The following ATG2A variants were observed in gnomAD, a reference collection of about 807,000 sequenced individuals.
The protein encoded by ATG2A is autophagy-related protein 2 homolog A.
In ATG2A, 103 loss-of-function variants were observed where a neutral mutation model predicts 214.2. The ratio of observed to expected loss-of-function variants is 0.48; its 90% CI spans 0.41 to 0.57. ATG2A has a LOEUF of 0.57. Among genes scored for constraint, ATG2A ranks in the 20% least tolerant of loss-of-function variants. The pLI, the probability that ATG2A is intolerant of heterozygous loss-of-function variation, is 0.00. For synonymous variants in ATG2A, 1,160 were observed against 1,142.1 expected (o/e 1.02, Z -0.32); for missense variants, 2,312 against 2,613.2 (o/e 0.88, Z 2.51).
rs781518310 is a variant in ATG2A at position 64,911,075 on chromosome 11, G to T, written c.1429C>A (p.Pro477Thr). 3.7e-6 allele frequency: 6 copies of T among 1,614,038 alleles called. No homozygotes were observed. Among genetic ancestry groups the T allele is most frequent in the Non-Finnish European group, 5.1e-6 (6 of 1,180,018 alleles). Residue 477 changes from proline (P) to threonine (T), a missense_variant, in exon 10 of 41, where the codon CCA becomes ACA. Pro to Thr is a conservative substitution (Grantham distance 38, BLOSUM62 -1). Coordinates refer to ENST00000377264, the MANE Select transcript of ATG2A (RefSeq NM_015104.3). The part of the protein sequence containing the change: ...FGSRDFHHLR[P>T]RFQRACPCSH... Reference sequence around the variant, plus strand: ...CAGGGACAGGCCCTCTGGAAGCGTGGTCGAAGGTGATGGAAGTCTCGGGAA... The same window carrying T: ...CAGGGACAGGCCCTCTGGAAGCGTGTTCGAAGGTGATGGAAGTCTCGGGAA...
Position 64,903,665 on chromosome 11 carries a change from G to T in ATG2A, c.3465-5C>A, listed in dbSNP as rs772483666. ...GCGGAGTCATCGAGGATGAACCTGG[G>T]GGGGAACAGGGCTGAGAAGGGCCCG... is the stretch of plus-strand genomic sequence containing the variant. On this transcript the variant is annotated splice_region_variant and splice_polypyrimidine_tract_variant and intron_variant, in intron 24 of 40. Coordinates refer to ENST00000377264, the MANE Select transcript of ATG2A (RefSeq NM_015104.3). The surrounding 1 kb of genome is among the most constrained non-coding windows in gnomAD (Gnocchi z 4.2). The T allele has an allele frequency of 2.0e-5, 31 of 1,549,170 alleles. No individual in the cohort carries two copies. Among genetic ancestry groups the T allele is most frequent in the South Asian group, 9.5e-5 (8 of 84,030 alleles).
intron 19 of ATG2A, 76 bp downstream of exon 19, chr11:64,907,179 C>T: frequency 7.0e-7 from 1 of 1,421,146 alleles, no homozygotes; most frequent in Non-Finnish European, 9.3e-7. Context: ...TGACCTGGAG[C>T]TGCTCGCGCT....
At chr11:64,916,905 G>A in intron 1 of ATG2A, 60 bp downstream of exon 1, 2 of 1,594,224 alleles carry the variant, frequency 1.3e-6, no homozygotes, top group Non-Finnish European at 1.7e-6. Context: ...GCCGCAGGGA[G>A]CCTCAGGTCG....
In ATG2A at chr11:64,900,619, C is replaced by T. The variant is rs775632666; in HGVS notation, c.4339G>A (p.Gly1447Ser). 6.2e-7 allele frequency: 1 copy of T among 1,606,658 alleles called. No individual in the cohort carries two copies. The change falls in exon 31 of 41, where the codon GGC becomes AGC. Residue 1447 changes from glycine (G) to serine (S), a missense_variant. Physicochemically the swap from Gly to Ser is moderately conservative, Grantham distance 56. Coordinates refer to ENST00000377264, the MANE Select transcript of ATG2A (RefSeq NM_015104.3). ...GGGGAGCTCCTGGGACCTGAGAGGC[C>T]AGTTCTTGCCCTGGGAAGAGGGACA... ...GPHPGHRART[G>S]LSGPRSSPSR...
At chr11:64,912,306 C>A in intron 7 of ATG2A, 21 bp downstream of exon 7, 1 of 1,607,968 alleles carries the variant, frequency 6.2e-7, no homozygotes, top group South Asian at 1.1e-5. Context: ...ACCCCACCCC[C>A]ATGCCACCCA....
chr11:64,900,709 AC>A (rs2136556258), intron 30 of ATG2A, 80 bp from the exon 31 acceptor site: 8 of 1,477,268 alleles, frequency 5.4e-6, no homozygotes, highest in Middle Eastern at 2.5e-4. Flanking sequence ...TTAGCCTGGG[AC>A]AAGAGACCCC....
chr11:64,901,182 A>AT (rs772328100), intron 29 of ATG2A, 90 bp from the exon 30 acceptor site: 125,857 of 1,035,974 alleles, frequency 0.12, no homozygotes, highest in East Asian at 0.14. Context: ...CTTCTTTTTC[A>AT]TTTTTTTTTT....
Position 64,907,103 on chromosome 11 carries a change from C to T in ATG2A, c.2832+152G>A, listed in dbSNP as rs2136598774. On this transcript the variant is annotated intron_variant, in intron 19 of 40. Coordinates refer to ENST00000377264, the MANE Select transcript of ATG2A (RefSeq NM_015104.3). ...GTCAGAAGGAGCTGATGGGCTGTGACAGGGTGGGCAGGCTGGCGTGGGTGG... is the reference window on the plus strand; with the variant it reads ...GTCAGAAGGAGCTGATGGGCTGTGATAGGGTGGGCAGGCTGGCGTGGGTGG... 7 of 986,888 alleles carry T rather than the reference C, an allele frequency of 7.1e-6. No homozygotes were observed. The South Asian group carries it at 8.7e-5, about 12-fold the overall frequency. 61.1% of individuals were successfully genotyped at this position (986,888 alleles called of 1,614,324 possible).
At chr11:64,897,012 A>G in intron 37 of ATG2A, 143 bp from the exon 38 acceptor site, 1 of 1,115,032 alleles carries the variant, frequency 9.0e-7, no homozygotes, top group Non-Finnish European at 1.2e-6. Context: ...TCATGTGCAG[A>G]GGGACTGTGT....
At chr11:64,905,967 C>A in intron 22 of ATG2A, 119 bp from the exon 23 acceptor site, 2 of 1,370,494 alleles carry the variant, frequency 1.5e-6, no homozygotes, top group Non-Finnish European at 1.0e-6. Context: ...CTGTCTGCCA[C>A]ACCCCTTGCC....
At position 64,896,824 on chromosome 11, in the gene ATG2A, C is replaced by T; in HGVS notation, c.5196G>A (p.Trp1732Ter). 1 of 1,614,210 alleles carries T rather than the reference C, an allele frequency of 6.2e-7. No homozygotes were observed. Among genetic ancestry groups the T allele is most frequent in the Non-Finnish European group, 8.5e-7 (1 of 1,180,050 alleles). ...DKVLGYALNEWLQDIRKNQLP... is the reference protein window; with the variant it reads ...DKVLGYALNE ...GCTGGTTCTTGCGGATGTCCTGCAG[C>T]CACTCGTTGAGGGCATAGCCCAGCA... The change falls in exon 38 of 41, where the codon TGG becomes TGA. Residue 1732 changes from tryptophan to a stop codon, truncating the protein, a stop_gained. Coordinates refer to ENST00000377264, the MANE Select transcript of ATG2A (RefSeq NM_015104.3). LOFTEE classifies it high-confidence loss of function.
rs1590656053 is a variant in ATG2A, at chr11:64,911,897, G to A, written c.1173C>T (p.Ser391=). The change falls in exon 9 of 41, where the codon TCC becomes TCT. Residue 391 remains serine (S), a synonymous_variant. Transcript: ENST00000377264. ...GGGAGGCCATGTCGCTGCGCACAGA[G>A]GAGGCCAGGTCTACATCGGAGAGGG... is the stretch of plus-strand genomic sequence containing the variant. ...ELSLSDVDLA[S]SVRSDMASRR... is the part of the protein sequence containing the mutation. The A allele has an allele frequency of 1.9e-6, 3 of 1,613,740 alleles. No individual in the cohort carries two copies. Among genetic ancestry groups the A allele is most frequent in the Non-Finnish European group, 2.5e-6 (3 of 1,179,916 alleles).
Position 64,913,604 on chromosome 11 carries a change from G to T in ATG2A, c.591-203C>A. The T allele has an allele frequency of 2.4e-6, 2 of 825,574 alleles. No homozygotes were observed. Among genetic ancestry groups the T allele is most frequent in the Non-Finnish European group, 3.7e-6 (2 of 542,358 alleles). 51.1% of individuals were successfully genotyped at this position (825,574 alleles called of 1,614,324 possible). A position where few individuals can be genotyped will look rare whatever the true frequency, so the allele number is the denominator to read the frequency against. ...TCCTCAGACCCTCAGCATCTAACTT[G>T]GTTCTTGGGGCCTCGGCCACTCTGG... On this transcript the variant is annotated intron_variant, in intron 4 of 40. Coordinates refer to ENST00000377264, the MANE Select transcript of ATG2A (RefSeq NM_015104.3). This position sits in a 1 kb window ranked among gnomAD's most constrained non-coding sequence, Gnocchi z 4.3.
intron 8 of ATG2A, 26 bp from the exon 9 acceptor site, chr11:64,912,008 G>A (rs1317000162): frequency 6.2e-7 from 1 of 1,613,462 alleles, no homozygotes; most frequent in African/African-American, 1.3e-5. Flanking sequence ...GGAGTGTCAG[G>A]GACAGCCGAC....
At chr11:64,912,584 G>A in intron 6 of ATG2A, 161 bp from the exon 7 acceptor site, 1 of 604,602 alleles carries the variant, frequency 1.7e-6, no homozygotes, top group Middle Eastern at 4.4e-4. Context: ...TGACCTCTCA[G>A]CCTCAGTTTC....
chr11:64,905,875 A>C, intron 22 of ATG2A, 27 bp from the exon 23 acceptor site: 1 of 1,603,860 alleles, frequency 6.2e-7, no homozygotes, highest in Non-Finnish European at 8.5e-7. Context: ...AGGAGGAAGC[A>C]GTGAGGATCA....
Position 64,907,679 on chromosome 11 carries a change from T to C in ATG2A, c.2508-15A>G. On this transcript the variant is annotated splice_polypyrimidine_tract_variant and intron_variant, in intron 17 of 40. Coordinates refer to ENST00000377264, the MANE Select transcript of ATG2A (RefSeq NM_015104.3). ...CGTTGTTGATCCTGAGATAGGCGGG[T>C]GGACAGCAGGTAAGGGAGGCCAGGC... 6.4e-7 allele frequency: 1 copy of C among 1,572,410 alleles called. No homozygotes were observed.
chr11:64,917,194 G>A lies in ATG2A; in HGVS notation c.-59C>T, dbSNP rs1945022805. ...TGCCGCCCGCCGGCGATCCCCGTCC[G>A]GCTCCGCTGTTCACTAGAGCCCCCG... On this transcript the variant is annotated 5_prime_UTR_variant, in exon 1 of 41. Transcript: ENST00000377264. 3 of 1,525,904 alleles carry A rather than the reference G, an allele frequency of 2.0e-6. No homozygotes were observed. Among genetic ancestry groups the A allele is most frequent in the East Asian group, 2.3e-5 (1 of 42,632 alleles). The allele number at this position is 1,525,904 out of a possible 1,614,324, so 94.5% of individuals were successfully genotyped here.
At position 64,901,116 on chromosome 11, in the gene ATG2A, G is replaced by A. The variant is rs769997026; in HGVS notation, c.4120-24C>T. The A allele has an allele frequency of 3.2e-6, 5 of 1,550,442 alleles. No homozygotes were observed. In the South Asian group the frequency reaches 6.0e-5, roughly 18 times the overall value. On this transcript the variant is annotated intron_variant, in intron 29 of 40. Coordinates refer to ENST00000377264, the MANE Select transcript of ATG2A (RefSeq NM_015104.3). Reference sequence around the variant, plus strand: ...GGCTGCAGGGAGGCCAGGTAGACGTGTGACACAGATGTTCGATCCAGCCCA... The same window carrying A: ...GGCTGCAGGGAGGCCAGGTAGACGTATGACACAGATGTTCGATCCAGCCCA...
Sources: allele counts gnomAD v4.1 joint callset, GRCh38; gene constraint gnomAD v4.1.1; non-coding constraint Gnocchi (gnomAD v3.1); transcripts MANE v1.5; gene names NCBI Gene and HGNC (gene_info 2026-07-23, HGNC 2026-07-21).